The following ME2 variants were observed in gnomAD, a reference collection of about 807,000 sequenced individuals.
The protein encoded by ME2 is NAD-dependent malic enzyme, mitochondrial.
In ME2, 60 loss-of-function variants were observed where a neutral mutation model predicts 73.7. The ratio of observed to expected loss-of-function variants is 0.81; its 90% CI spans 0.66 to 1.01. The LOEUF (loss-of-function observed/expected upper bound fraction) is 1.01, where lower values mean the gene tolerates loss of function less well. Among genes scored for constraint, ME2 ranks in the 50% least tolerant of loss-of-function variants. The pLI, the probability that ME2 is intolerant of heterozygous loss-of-function variation, is 0.00. For synonymous variants in ME2, 199 were observed against 236.9 expected (o/e 0.84, Z 1.47); for missense variants, 594 against 705.5 (o/e 0.84, Z 1.79).
chr18:50,927,998 T>C (rs951590822), intron 12 of ME2, among the ~76,000 whole-genome samples: 20 of 151,182 alleles, frequency 1.3e-4, no homozygotes, highest in Admixed American at 7.2e-4. Context: ...ATTTTTATTT[T>C]TGTAGAGACA....
intron 4 of ME2, among the ~76,000 whole-genome samples, chr18:50,914,386 A>T (rs998947652): frequency 1.8e-4 from 28 of 152,224 alleles, no homozygotes; most frequent in Non-Finnish European, 3.8e-4. Context: ...ATTCAGATTC[A>T]GTTAGTCTAG....
chr18:50,930,398 G>GGGAGGTGTT (rs1917664312), intron 12 of ME2, among the ~76,000 whole-genome samples: 1 of 152,076 alleles, frequency 6.6e-6, no homozygotes, highest in Non-Finnish European at 1.5e-5. Flanking sequence ...GTTTTCACCA[G>GGGAGGTGTT]GGAGGTGTTA....
chr18:50,927,021 G>T (rs1408040291), intron 12 of ME2, among the ~76,000 whole-genome samples: 1 of 152,108 alleles, frequency 6.6e-6, no homozygotes, highest in Admixed American at 6.6e-5. Flanking sequence ...GCGCTGTGGA[G>T]AACAAATTTT....
At chr18:50,922,373 G>A (rs1239535631) in intron 10 of ME2, among the ~76,000 whole-genome samples, 1 of 152,168 alleles carries the variant, frequency 6.6e-6, no homozygotes, top group Non-Finnish European at 1.5e-5. Flanking sequence ...ACGGAGGTAG[G>A]ATTCAAAACC....
intron 2 of ME2, among the ~76,000 whole-genome samples, chr18:50,905,159 G>A (rs183646157): frequency 1.2e-4 from 19 of 152,114 alleles, no homozygotes; most frequent in African/African-American, 4.1e-4. Flanking sequence ...GCTAATTTTT[G>A]TATTTTTAGT....
chr18:50,940,483 G>A, intron 15 of ME2, 97 bp downstream of exon 15: 1 of 855,590 alleles, frequency 1.2e-6, no homozygotes, highest in Non-Finnish European at 1.8e-6. Context: ...CATTTAGAAG[G>A]CTGCAAAGAA....
rs1259520833 is a variant in ME2, at chr18:50,925,823, G to T, written c.1239G>T (p.Arg413Ser). Residue 413 changes from arginine (R) to serine (S), a missense_variant, in exon 12 of 16, where the codon AGG becomes AGT. By Grantham distance (110) the Arg-to-Ser change is moderately radical (BLOSUM62 -1). Coordinates refer to ENST00000321341, the MANE Select transcript of ME2 (RefSeq NM_002396.5). ...VIRAMASINE[R>S]PVIFALSNPT... ...GAGCCATGGCCTCTATCAATGAAAG[G>T]CCTGTAATATTTGCATTAAGTAATC... The T allele has an allele frequency of 3.1e-6, 5 of 1,613,144 alleles. No individual in the cohort carries two copies. The highest frequency in any genetic ancestry group is 4.2e-6 in the Non-Finnish European group (5 of 1,179,170).
chr18:50,944,587 A>C (rs1423905501), intron 15 of ME2, among the ~76,000 whole-genome samples: 1 of 152,162 alleles, frequency 6.6e-6, no homozygotes, highest in Non-Finnish European at 1.5e-5. Context: ...CTTGCCCGTA[A>C]TCTTTTTCTG....
At chr18:50,940,646 T>C (rs1318105135) in intron 15 of ME2, among the ~76,000 whole-genome samples, 1 of 152,126 alleles carries the variant, frequency 6.6e-6, no homozygotes, top group African/African-American at 2.4e-5. Context: ...TTTTAAAGAA[T>C]AGAGATAGGG....
chr18:50,912,763 A>G (rs1289066327), intron 3 of ME2, 38 bp from the exon 4 acceptor site: 2 of 1,438,676 alleles, frequency 1.4e-6, no homozygotes, highest in South Asian at 3.1e-5. Flanking sequence ...AATGTAATGC[A>G]GGCTGACTTA....
chr18:50,922,712 C>A (rs538095305), intron 10 of ME2, among the ~76,000 whole-genome samples: 1 of 152,306 alleles, frequency 6.6e-6, no homozygotes, highest in Admixed American at 6.5e-5. Flanking sequence ...TATTTCTTTT[C>A]CAGTGTGCAG....
chr18:50,931,181 T>G (rs961562960), intron 12 of ME2, among the ~76,000 whole-genome samples: 2 of 152,240 alleles, frequency 1.3e-5, no homozygotes, highest in Non-Finnish European at 2.9e-5. Flanking sequence ...TATATGCCAT[T>G]ATAGAGCATA....
At chr18:50,926,877 A>C (rs1008138254) in intron 12 of ME2, among the ~76,000 whole-genome samples, 2 of 152,224 alleles carry the variant, frequency 1.3e-5, no homozygotes, top group Non-Finnish European at 2.9e-5. Context: ...ACTTAAAATC[A>C]TGTACTGTAG....
chr18:50,900,937 T>C (rs999346473), intron 2 of ME2, among the ~76,000 whole-genome samples: 1 of 152,256 alleles, frequency 6.6e-6, no homozygotes, highest in Non-Finnish European at 1.5e-5. Context: ...TTACTCAGTC[T>C]TGGTATTTCG....
chr18:50,932,307 C>A lies in ME2; in HGVS notation c.1364C>A (p.Thr455Lys). Residue 455 changes from threonine (T) to lysine (K), a missense_variant, in exon 13 of 16, where the codon ACA becomes AAA. Transcript: ENST00000321341. ...AGTCCATTTGGGCCAGTGAAACTTA[C>A]AGATGGGCGAGTCTTTACACCAGGT... ...SGSPFGPVKL[T>K]DGRVFTPGQG... The A allele has an allele frequency of 6.2e-7, 1 of 1,613,206 alleles. No homozygotes were observed. Among genetic ancestry groups the A allele is most frequent in the Non-Finnish European group, 8.5e-7 (1 of 1,179,416 alleles).
In ME2 at chr18:50,920,444, T is replaced by C; in HGVS notation, c.735-12T>C. On this transcript the variant is annotated splice_polypyrimidine_tract_variant and intron_variant, in intron 7 of 15. Coordinates refer to ENST00000321341, the MANE Select transcript of ME2 (RefSeq NM_002396.5). ...TTTTCAACACAACTATTGTGGGTTT[T>C]GCTGTTTTTAGATATGGCCGGAACA... 1 of 1,554,882 alleles carries C rather than the reference T, an allele frequency of 6.4e-7. No homozygotes were observed. The highest frequency in any genetic ancestry group is 8.8e-7 in the Non-Finnish European group (1 of 1,141,042).
chr18:50,936,174 C>T (rs1194190377), intron 13 of ME2, among the ~76,000 whole-genome samples: 2 of 152,310 alleles, frequency 1.3e-5, no homozygotes, highest in Admixed American at 6.5e-5. Context: ...TGACAGCAGA[C>T]TCCTCAGTGA....
intron 12 of ME2, among the ~76,000 whole-genome samples, chr18:50,926,867 AC>A (rs1481268296): frequency 1.3e-5 from 2 of 152,208 alleles, no homozygotes; most frequent in Non-Finnish European, 2.9e-5. Flanking sequence ...TTAGTAACAG[AC>A]TTAAAATCAT....
At chr18:50,939,909 A>G (rs111828072) in intron 14 of ME2, 8,654 of 430,192 alleles carry the variant, frequency 0.02, 114 homozygotes, top group Non-Finnish European at 0.027. Context: ...CAGCATAGAT[A>G]ACTCCTTGCA....
Sources: gnomAD v4.1 joint callset for allele counts (sites outside exome capture counted in the v4.1 genomes callset) on GRCh38, gnomAD v4.1.1 for gene constraint, MANE v1.5 for transcripts, NCBI Gene and HGNC (gene_info 2026-07-23, HGNC 2026-07-21) for gene names.